Variants in CADPS observed in about 807,000 individuals in gnomAD.
CADPS encodes the protein calcium dependent secretion activator.
A neutral mutation model predicts 167.3 loss-of-function variants in CADPS; 57 were observed. The ratio of observed to expected loss-of-function variants is 0.34; its 90% CI spans 0.28 to 0.42. The LOEUF is 0.42. Among genes scored for constraint, CADPS ranks in the 20% least tolerant of loss-of-function variants. The pLI is 1.00. For missense variants in CADPS, 1,414 were observed against 1,738.1 expected, an observed-to-expected ratio of 0.81 and a Z score of 3.32; for synonymous variants, 676 against 635.3, an observed-to-expected ratio of 1.06 and a Z score of -0.96.
intron 1 of CADPS, among the ~76,000 whole-genome samples, chr3:62,816,967 A>AT (rs1055496832): frequency 6.1e-4 from 92 of 151,980 alleles, no homozygotes; most frequent in African/African-American, 2.1e-3. Context: ...TCTAGTTAAA[A>AT]TTTTTTTTGG....
chr3:62,583,089 G>A (rs964000201), intron 8 of CADPS, among the ~76,000 whole-genome samples: 1 of 152,016 alleles, frequency 6.6e-6, no homozygotes, highest in African/African-American at 2.4e-5. Context: ...AAGCACTTTA[G>A]AGGACAGATA....
chr3:62,683,527 C>T (rs2151085943), intron 3 of CADPS, among the ~76,000 whole-genome samples: 1 of 152,192 alleles, frequency 6.6e-6, no homozygotes, highest in East Asian at 1.9e-4. Flanking sequence ...CTGTCTATCC[C>T]ACACCCAGCA....
chr3:62,624,389 C>T (rs1420352738), intron 6 of CADPS, among the ~76,000 whole-genome samples: 2 of 152,054 alleles, frequency 1.3e-5, no homozygotes, highest in East Asian at 3.9e-4. Context: ...TTGCATCAGA[C>T]CATCCATATG....
At chr3:62,833,314 C>A (rs1470694063) in intron 1 of CADPS, among the ~76,000 whole-genome samples, 1 of 151,828 alleles carries the variant, frequency 6.6e-6, no homozygotes, top group Non-Finnish European at 1.5e-5. Flanking sequence ...GCCTGGCTAA[C>A]TTATTTTTTA....
At chr3:62,592,811 A>C (rs1293072040) in intron 6 of CADPS, 63 bp from the exon 7 acceptor site, 2 of 1,241,726 alleles carry the variant, frequency 1.6e-6, no homozygotes, top group Non-Finnish European at 2.3e-6. Flanking sequence ...AAACTATTCC[A>C]TTGTTCCCAG....
intron 2 of CADPS, among the ~76,000 whole-genome samples, chr3:62,755,654 T>C (rs2083726586): frequency 6.6e-6 from 1 of 152,142 alleles, no homozygotes; most frequent in African/African-American, 2.4e-5. Context: ...AATGAACTAA[T>C]TTAGAAAGGA....
chr3:62,574,242 C>T lies in CADPS; in HGVS notation c.1578-3304G>A, dbSNP rs1030744069. On this transcript the variant is annotated intron_variant, in intron 8 of 29. Transcript: ENST00000383710. ...GACCTCTTAAATGGGTAAATCAGATCGCCAGTATGCTGATTCTAAATATGA... is the reference window on the plus strand; with the variant it reads ...GACCTCTTAAATGGGTAAATCAGATTGCCAGTATGCTGATTCTAAATATGA... Among the ~76,000 whole-genome samples, 4 of 152,096 alleles carry T rather than the reference C, an allele frequency of 2.6e-5. No individual in the cohort carries two copies. In the South Asian group the frequency reaches 6.2e-4, roughly 24 times the overall value.
intron 1 of CADPS, among the ~76,000 whole-genome samples, chr3:62,859,606 T>C (rs1202898359): frequency 1.3e-5 from 2 of 152,190 alleles, no homozygotes; most frequent in African/African-American, 4.8e-5. Flanking sequence ...TGCTGAATCA[T>C]AATAACAGCA....
intron 3 of CADPS, among the ~76,000 whole-genome samples, chr3:62,736,506 G>C (rs1361418409): frequency 1.3e-5 from 2 of 152,136 alleles, no homozygotes; most frequent in African/African-American, 2.4e-5. Context: ...TTTTAAATAA[G>C]CATTTTTTAT....
intron 3 of CADPS, among the ~76,000 whole-genome samples, chr3:62,671,051 T>C (rs1195826884): frequency 1.3e-5 from 2 of 152,188 alleles, no homozygotes; most frequent in African/African-American, 4.8e-5. Context: ...CTCCCTGACA[T>C]TGGACAATCT....
intron 1 of CADPS, among the ~76,000 whole-genome samples, chr3:62,802,852 G>T (rs571135152): frequency 2.0e-5 from 3 of 152,052 alleles, no homozygotes; most frequent in Admixed American, 1.3e-4. Context: ...CTATTCTCTG[G>T]TCTGGTTCAG....
chr3:62,575,751 A>AAG (rs2082138695), intron 8 of CADPS, among the ~76,000 whole-genome samples: 1 of 152,156 alleles, frequency 6.6e-6, no homozygotes, highest in South Asian at 2.1e-4. Context: ...CTTTTTTTGA[A>AAG]GTAAGAACAT....
At chr3:62,550,478 C>T (rs749756452) in intron 10 of CADPS, among the ~76,000 whole-genome samples, 1 of 152,150 alleles carries the variant, frequency 6.6e-6, no homozygotes. Context: ...CAGCTACTGT[C>T]CTATTGTTCT....
intron 3 of CADPS, among the ~76,000 whole-genome samples, chr3:62,740,743 C>T (rs2080042769): frequency 6.6e-6 from 1 of 152,138 alleles, no homozygotes; most frequent in Admixed American, 6.5e-5. Flanking sequence ...CATCACCAAC[C>T]CAGGCTATCA....
intron 6 of CADPS, among the ~76,000 whole-genome samples, chr3:62,641,001 C>CCAACA (rs756784607): frequency 1.1e-4 from 17 of 152,094 alleles, no homozygotes; most frequent in Middle Eastern, 3.4e-3. Flanking sequence ...TTTCCGTATA[C>CCAACA]CAAGATACTT....
rs149223825 is a variant in CADPS at position 62,487,557 on chromosome 3, T to C, written c.3026+3782A>G. ...TATGGTTAGAAGCAAAGAGATGACA[T>C]TGTCCACCAATTCATAGAGATTCTA... On this transcript the variant is annotated intron_variant, in intron 21 of 29. Coordinates refer to ENST00000383710, the MANE Select transcript of CADPS (RefSeq NM_003716.4). 5.0e-3 allele frequency among the ~76,000 whole-genome samples: 755 copies of C among 152,306 alleles called. 9 individuals are homozygous for C. The highest frequency in any genetic ancestry group is 0.017 in the African/African-American group (714 of 41,562).
chr3:62,456,317 A>C (rs190917259), intron 26 of CADPS, among the ~76,000 whole-genome samples: 1 of 152,178 alleles, frequency 6.6e-6, no homozygotes, highest in South Asian at 2.1e-4. Flanking sequence ...TTATAAAGGG[A>C]AACATGTTTC....
chr3:62,491,534 A>AC (rs2063691384), intron 20 of CADPS, 54 bp from the exon 21 acceptor site: 1 of 1,210,386 alleles, frequency 8.3e-7, no homozygotes, highest in Non-Finnish European at 1.2e-6. Flanking sequence ...TTATCAACGT[A>AC]CAACACACAC....
intron 3 of CADPS, among the ~76,000 whole-genome samples, chr3:62,714,922 CAA>C (rs2084138550): frequency 6.6e-6 from 1 of 152,012 alleles, no homozygotes; most frequent in African/African-American, 2.4e-5. Context: ...TAAATTTAAA[CAA>C]AGTTTCAAAA....
Sources: gnomAD v4.1 joint callset for allele counts (sites outside exome capture counted in the v4.1 genomes callset) on GRCh38, gnomAD v4.1.1 for gene constraint, MANE v1.5 for transcripts, NCBI Gene and HGNC (gene_info 2026-07-23, HGNC 2026-07-21) for gene names.